Variants in SIX3 observed in about 807,000 individuals in gnomAD.
The protein encoded by SIX3 is homeobox protein SIX3.
In SIX3, 2 loss-of-function variants were observed where a neutral mutation model predicts 21.7. The ratio of observed to expected loss-of-function variants is 0.09; its 90% CI spans 0.04 to 0.29. SIX3 has a LOEUF of 0.29. Ranked by LOEUF, SIX3 falls within the 10% of genes least tolerant of loss-of-function variation. The probability of loss-of-function intolerance (pLI) is 1.00; values close to 1 mark genes in which losing one functional copy is unlikely to be tolerated. For synonymous variants in SIX3, 243 were observed against 220.6 expected (o/e 1.10, Z -0.90); for missense variants, 347 against 480.7 (o/e 0.72, Z 2.60).
intron 1 of SIX3, 49 bp from the exon 2 acceptor site, chr2:44,944,519 G>C (rs765967821): frequency 5.8e-5 from 89 of 1,525,400 alleles, no homozygotes; most frequent in Non-Finnish European, 7.6e-5. Flanking sequence ...GGGGGAGCCG[G>C]GTGGCGGGCC....
At position 44,942,056 on chromosome 2, in the gene SIX3, C is replaced by T; in HGVS notation, c.-49C>T. The T allele has an allele frequency of 6.8e-7, 1 of 1,470,822 alleles. No homozygotes were observed. The highest frequency in any genetic ancestry group is 9.3e-7 in the Non-Finnish European group (1 of 1,069,664). The allele number at this position is 1,470,822 out of a possible 1,614,324, so 91.1% of individuals were successfully genotyped here. A position where few individuals can be genotyped will look rare whatever the true frequency, so the allele number is the denominator to read the frequency against. On this transcript the variant is annotated 5_prime_UTR_variant, in exon 1 of 2. Coordinates refer to ENST00000260653, the MANE Select transcript of SIX3 (RefSeq NM_005413.4). This position sits in a 1 kb window ranked among gnomAD's most constrained non-coding sequence, Gnocchi z 8.4. ...ATCGCCCCTCTCCTCCTCTTCCTCC[C>T]CTCTCTCTTCCTCTCCCTGAATTTT...
Position 44,942,930 on chromosome 2 carries a change from G to T in SIX3, c.806+20G>T, listed in dbSNP as rs777815026. 6 of 1,588,728 alleles carry T rather than the reference G, an allele frequency of 3.8e-6. No individual in the cohort carries two copies. Among genetic ancestry groups the T allele is most frequent in the East Asian group, 2.3e-5 (1 of 44,270 alleles). On this transcript the variant is annotated intron_variant, in intron 1 of 1. Transcript: ENST00000260653. The surrounding 1 kb of genome is among the most constrained non-coding windows in gnomAD (Gnocchi z 8.4). The stretch of plus-strand genomic sequence containing the variant: ...GAACAGGTTAGTGGCGGGGCCCGCG[G>T]CCTGGCTACAGCCTCAGAGGCCTGG...
At position 44,942,023 on chromosome 2, in the gene SIX3, T is replaced by C; in HGVS notation, c.-82T>C. On this transcript the variant is annotated 5_prime_UTR_variant, in exon 1 of 2. Coordinates refer to ENST00000260653, the MANE Select transcript of SIX3 (RefSeq NM_005413.4). This position sits in a 1 kb window ranked among gnomAD's most constrained non-coding sequence, Gnocchi z 8.4. ...CTCCCCCCTCTCCTCTCCCTCCTCC[T>C]GGTCCTCATCGCCCCTCTCCTCCTC... The C allele has an allele frequency of 1.0e-6, 1 of 985,616 alleles. No homozygotes were observed. The highest frequency in any genetic ancestry group is 3.0e-5 in the East Asian group (1 of 32,926). 61.1% of individuals were successfully genotyped at this position (985,616 alleles called of 1,614,324 possible).
Position 44,941,979 on chromosome 2 carries a change from CCCT to C in SIX3, c.-122_-120del. On this transcript the variant is annotated 5_prime_UTR_variant, in exon 1 of 2. Transcript: ENST00000260653. ...TCCTCTCCCTCCTCCTCCTGCTCCC[CCCT>C]CCTTTCCTTCTCCTCCTCCCCCCTC... The C allele has an allele frequency of 1.5e-6, 1 of 666,354 alleles. No homozygotes were observed. The highest frequency in any genetic ancestry group is 2.7e-6 in the Non-Finnish European group (1 of 366,158). The allele number at this position is 666,354 out of a possible 1,614,324, so 41.3% of individuals were successfully genotyped here.
At position 44,944,961 on chromosome 2, in the gene SIX3, A is replaced by C; in HGVS notation, c.*201A>C. The C allele has an allele frequency of 1.6e-6, 1 of 609,442 alleles. No individual in the cohort carries two copies. The highest frequency in any genetic ancestry group is 2.8e-5 in the East Asian group (1 of 35,650). 37.8% of individuals were successfully genotyped at this position (609,442 alleles called of 1,614,324 possible). On this transcript the variant is annotated 3_prime_UTR_variant, in exon 2 of 2. Coordinates refer to ENST00000260653, the MANE Select transcript of SIX3 (RefSeq NM_005413.4). The stretch of plus-strand genomic sequence containing the variant: ...AAAAATATATAAAAAACAAGAAAAT[A>C]ACAAATTAACCGCAAACTATCAACA...
rs1292923906 is a variant in SIX3, at chr2:44,945,871, A to G, written c.*1111A>G. The G allele has an allele frequency of 6.6e-6, 1 of 152,194 alleles. No homozygotes were observed. The highest frequency in any genetic ancestry group is 1.9e-4 in the East Asian group (1 of 5,200). The allele number at this position is 152,194 out of a possible 1,614,324, so 9.4% of individuals were successfully genotyped here. On this transcript the variant is annotated 3_prime_UTR_variant, in exon 2 of 2. Coordinates refer to ENST00000260653, the MANE Select transcript of SIX3 (RefSeq NM_005413.4). ...AAGGAGAGGCATGGTGGCCTGGGTTAGGAAGAGGGACCCTGTCGCTAGCAA... is the reference window on the plus strand; with the variant it reads ...AAGGAGAGGCATGGTGGCCTGGGTTGGGAAGAGGGACCCTGTCGCTAGCAA...
At position 44,944,871 on chromosome 2, in the gene SIX3, A is replaced by C; in HGVS notation, c.*111A>C. 9.6e-7 allele frequency: 1 copy of C among 1,038,850 alleles called. No individual in the cohort carries two copies. The highest frequency in any genetic ancestry group is 1.4e-6 in the Non-Finnish European group (1 of 693,746). The allele number at this position is 1,038,850 out of a possible 1,614,324, so 64.4% of individuals were successfully genotyped here. On this transcript the variant is annotated 3_prime_UTR_variant, in exon 2 of 2. Transcript: ENST00000260653. ...TTCCTTCTCCTCCTCCATCCCCAGA[A>C]CAAACCGAAATCAGGATACCCAACC... is the stretch of plus-strand genomic sequence containing the variant.
Position 44,941,986 on chromosome 2 carries a change from T to G in SIX3, c.-119T>G. Reference sequence around the variant, plus strand: ...CCTCCTCCTCCTGCTCCCCCCTCCTTTCCTTCTCCTCCTCCCCCCTCTCCT... The same window carrying G: ...CCTCCTCCTCCTGCTCCCCCCTCCTGTCCTTCTCCTCCTCCCCCCTCTCCT... On this transcript the variant is annotated 5_prime_UTR_variant, in exon 1 of 2. Transcript: ENST00000260653. 4 of 581,830 alleles carry G rather than the reference T, an allele frequency of 6.9e-6. No individual in the cohort carries two copies. The highest frequency in any genetic ancestry group is 2.1e-5 in the Admixed American group (1 of 48,486). 36.0% of individuals were successfully genotyped at this position (581,830 alleles called of 1,614,324 possible).
Position 44,942,518 on chromosome 2 carries a change from C to G in SIX3, c.414C>G (p.Val138=). The G allele has an allele frequency of 3.8e-6, 6 of 1,598,388 alleles. No homozygotes were observed. Among genetic ancestry groups the G allele is most frequent in the South Asian group, 1.1e-5 (1 of 91,018 alleles). The change falls in exon 1 of 2, where the codon GTC becomes GTG. Residue 138 remains valine, a synonymous_variant. Transcript: ENST00000260653. This position sits in a 1 kb window ranked among gnomAD's most constrained non-coding sequence, Gnocchi z 8.4. ...HESILRARAV[V]AFHTGNFRDL... ...CGATCCTGCGCGCGCGCGCCGTGGT[C>G]GCCTTCCACACGGGCAACTTCCGCG...
At position 44,944,808 on chromosome 2, in the gene SIX3, T is replaced by G. The variant is rs1666657176; in HGVS notation, c.*48T>G. On this transcript the variant is annotated 3_prime_UTR_variant, in exon 2 of 2. Coordinates refer to ENST00000260653, the MANE Select transcript of SIX3 (RefSeq NM_005413.4). ...TCTCCTTCCCCTCCTCCCCCACTCCTTCCCCTCCGCCTCCTAGCCCTCCTC... is the reference window on the plus strand; with the variant it reads ...TCTCCTTCCCCTCCTCCCCCACTCCGTCCCCTCCGCCTCCTAGCCCTCCTC... 2.1e-6 allele frequency: 3 copies of G among 1,448,260 alleles called. No homozygotes were observed. Among genetic ancestry groups the G allele is most frequent in the Non-Finnish European group, 1.9e-6 (2 of 1,078,216 alleles). 89.7% of individuals were successfully genotyped at this position (1,448,260 alleles called of 1,614,324 possible).
chr2:44,943,049 T>A, intron 1 of SIX3, 139 bp downstream of exon 1: 1 of 1,393,808 alleles, frequency 7.2e-7, no homozygotes, highest in Admixed American at 2.8e-5. Flanking sequence ...TTTCCGCTTG[T>A]CCGGGACGCG....
Position 44,942,087 on chromosome 2 carries a change from C to G in SIX3, c.-18C>G, listed in dbSNP as rs1345272057. 6.3e-7 allele frequency: 1 copy of G among 1,581,564 alleles called. No homozygotes were observed. Among genetic ancestry groups the G allele is most frequent in the Admixed American group, 1.7e-5 (1 of 59,686 alleles). ...TCTTCCTCTCCCTGAATTTTCTCCTCTCCTCTCAGGTCAGTCCATGGTATT... is the reference window on the plus strand; with the variant it reads ...TCTTCCTCTCCCTGAATTTTCTCCTGTCCTCTCAGGTCAGTCCATGGTATT... On this transcript the variant is annotated 5_prime_UTR_variant, in exon 1 of 2. Transcript: ENST00000260653. This position sits in a 1 kb window ranked among gnomAD's most constrained non-coding sequence, Gnocchi z 8.4.
At position 44,944,922 on chromosome 2, in the gene SIX3, C is replaced by T. The variant is rs1018540001; in HGVS notation, c.*162C>T. The T allele has an allele frequency of 3.9e-5, 26 of 661,098 alleles. No individual in the cohort carries two copies. Among genetic ancestry groups the T allele is most frequent in the African/African-American group, 3.8e-4 (21 of 54,876 alleles). 41.0% of individuals were successfully genotyped at this position (661,098 alleles called of 1,614,324 possible). The stretch of plus-strand genomic sequence containing the variant: ...ATACACACATACAAGTCCACACACA[C>T]TCCCACCCCAGCCAAAAATATATAA... On this transcript the variant is annotated 3_prime_UTR_variant, in exon 2 of 2. Transcript: ENST00000260653.
At position 44,942,797 on chromosome 2, in the gene SIX3, C is replaced by T. The variant is rs776848649; in HGVS notation, c.693C>T (p.Pro231=). 1 of 1,599,742 alleles carries T rather than the reference C, an allele frequency of 6.3e-7. No individual in the cohort carries two copies. The highest frequency in any genetic ancestry group is 8.5e-7 in the Non-Finnish European group (1 of 1,179,920). Residue 231 remains proline (P), a synonymous_variant, in exon 1 of 2, where the codon CCC becomes CCT. Transcript: ENST00000260653. This position sits in a 1 kb window ranked among gnomAD's most constrained non-coding sequence, Gnocchi z 8.4. Reference sequence around the variant, plus strand: ...AGTGGTACCTACAGGACCCCTACCCCAACCCCAGCAAGAAACGCGAACTGG... The same window carrying T: ...AGTGGTACCTACAGGACCCCTACCCTAACCCCAGCAAGAAACGCGAACTGG... ...LREWYLQDPY[P]NPSKKRELAQ...
In SIX3 at chr2:44,942,194, G is replaced by A. The variant is rs78018362; in HGVS notation, c.90G>A (p.Ala30=). Residue 30 remains alanine (A), a synonymous_variant, in exon 1 of 2, where the codon GCG becomes GCA. Transcript: ENST00000260653. This position sits in a 1 kb window ranked among gnomAD's most constrained non-coding sequence, Gnocchi z 8.4. The part of the protein sequence containing the change: ...ADSHHRSILL[A]SSGGGNGAGG... ...CTCACCACCGCTCCATACTTCTGGC[G>A]AGTAGCGGCGGCGGGAACGGTGCGG... 6.3e-6 allele frequency: 10 copies of A among 1,596,704 alleles called. No individual in the cohort carries two copies. In the East Asian group the frequency reaches 8.9e-5, roughly 14 times the overall value.
intron 1 of SIX3, among the ~76,000 whole-genome samples, chr2:44,943,657 A>C (rs1465420114): frequency 6.6e-6 from 1 of 152,238 alleles, no homozygotes; most frequent in Non-Finnish European, 1.5e-5. Flanking sequence ...GCCTGGGGGA[A>C]GGAGAAAAAG....
Position 44,945,286 on chromosome 2 carries a change from T to C in SIX3, c.*526T>C, listed in dbSNP as rs796294783. The C allele has an allele frequency of 6.0e-3, 118 of 19,656 alleles. No homozygotes were observed. The highest frequency in any genetic ancestry group is 0.025 in the African/African-American group (109 of 4,376). The allele number at this position is 19,656 out of a possible 1,614,324, so 1.2% of individuals were successfully genotyped here. ...GCAAAACAGACAAAAAGAAAAAAAA[T>C]CGCCGTCTCCGTTCCGAATTTGTTA... On this transcript the variant is annotated 3_prime_UTR_variant, in exon 2 of 2. Coordinates refer to ENST00000260653, the MANE Select transcript of SIX3 (RefSeq NM_005413.4).
Position 44,944,795 on chromosome 2 carries a change from C to T in SIX3, c.*35C>T. ...CCGCCCTCCTCCCTCTCCTTCCCCT[C>T]CTCCCCCACTCCTTCCCCTCCGCCT... On this transcript the variant is annotated 3_prime_UTR_variant, in exon 2 of 2. Transcript: ENST00000260653. 6.6e-7 allele frequency: 1 copy of T among 1,515,856 alleles called. No individual in the cohort carries two copies. The highest frequency in any genetic ancestry group is 8.9e-7 in the Non-Finnish European group (1 of 1,124,002). The allele number at this position is 1,515,856 out of a possible 1,614,324, so 93.9% of individuals were successfully genotyped here.
Position 44,942,953 on chromosome 2 carries a change from TG to T in SIX3, c.806+46del. The T allele has an allele frequency of 1.9e-6, 3 of 1,578,028 alleles. No homozygotes were observed. Among genetic ancestry groups the T allele is most frequent in the Non-Finnish European group, 2.6e-6 (3 of 1,169,684 alleles). The stretch of plus-strand genomic sequence containing the variant: ...CGGCCTGGCTACAGCCTCAGAGGCC[TG>T]GGAAGGGGAGAGGGGTTGAGATGGG... On this transcript the variant is annotated intron_variant, in intron 1 of 1. Transcript: ENST00000260653. This position sits in a 1 kb window ranked among gnomAD's most constrained non-coding sequence, Gnocchi z 8.4.
Sources: allele counts gnomAD v4.1 joint callset (sites outside exome capture counted in the v4.1 genomes callset), GRCh38; gene constraint gnomAD v4.1.1; non-coding constraint Gnocchi (gnomAD v3.1); transcripts MANE v1.5; gene names NCBI Gene and HGNC (gene_info 2026-07-23, HGNC 2026-07-21).